Variants in STRIP2 observed in about 807,000 individuals in gnomAD.
The protein encoded by STRIP2 is striatin interacting protein 2, also known as striatin-interacting protein 2.
STRIP2 carries 84 observed loss-of-function variants against 107.1 expected under a neutral mutation model. That is an observed-to-expected ratio of 0.78 (90% confidence interval 0.66 to 0.94). STRIP2 has a LOEUF of 0.94. Among genes scored for constraint, STRIP2 ranks in the 40% least tolerant of loss-of-function variants. The pLI, the probability that STRIP2 is intolerant of heterozygous loss-of-function variation, is 0.00. For synonymous variants in STRIP2, 394 were observed against 400.4 expected, an observed-to-expected ratio of 0.98 and a Z score of 0.19; for missense variants, 888 against 1,034.2, an observed-to-expected ratio of 0.86 and a Z score of 1.94.
In STRIP2 at chr7:129,473,309, A is replaced by T. The variant is rs149197445; in HGVS notation, c.1944+2594A>T. ...TTTATACATAGATATTTCATTTGAC[A>T]GCAAAATTTAAATGTTCACAATATC... On this transcript the variant is annotated intron_variant, in intron 18 of 20. Transcript: ENST00000249344. 1.1e-3 allele frequency among the ~76,000 whole-genome samples: 161 copies of T among 152,340 alleles called. 2 individuals carry two copies. In the East Asian group the frequency reaches 0.028, roughly 27 times the overall value.
chr7:129,482,368 TATATA>T (rs1194973470), intron 19 of STRIP2, among the ~76,000 whole-genome samples: 7 of 101,108 alleles, frequency 6.9e-5, no homozygotes, highest in East Asian at 7.0e-4. Context: ...TATATATATA[TATATA>T]TATATTTTTT....
Position 129,470,056 on chromosome 7 carries a change from G to A in STRIP2, c.1878-593G>A, listed in dbSNP as rs78976562. On this transcript the variant is annotated intron_variant, in intron 17 of 20. Transcript: ENST00000249344. ...TCCTAACTCATGCCTGCTTCCCTGG[G>A]CTCACTACAGAGCTGTAGCTTGCAG... 8.8e-3 allele frequency among the ~76,000 whole-genome samples: 1,334 copies of A among 152,270 alleles called. 108 individuals carry two copies. In the East Asian group the frequency reaches 0.19, roughly 22 times the overall value.
At chr7:129,434,626 TG>T (rs1288015238) in intron 1 of STRIP2, 25 bp downstream of exon 1, 4 of 1,460,628 alleles carry the variant, frequency 2.7e-6, no homozygotes, top group Non-Finnish European at 3.6e-6. Flanking sequence ...AAGCTTCGGC[TG>T]GGGCCCGGAG....
At position 129,454,209 on chromosome 7, in the gene STRIP2, A is replaced by G; in HGVS notation, c.598A>G (p.Arg200Gly). ...AVSIADSTELRVLLSVMYLMV... is the reference protein window; with the variant it reads ...AVSIADSTELGVLLSVMYLMV... ...CTCCATAGCTGATAGCACAGAGCTC[A>G]GGTGAGTGGGGCTAACTATGGGCTT... Residue 200 changes from arginine to glycine, a missense_variant and splice_region_variant, in exon 6 of 21, where the codon AGG becomes GGG. Physicochemically the swap from Arg to Gly is moderately radical, Grantham distance 125 (BLOSUM62 -2). Coordinates refer to ENST00000249344, the MANE Select transcript of STRIP2 (RefSeq NM_020704.3). The G allele has an allele frequency of 6.2e-7, 1 of 1,612,876 alleles. No individual in the cohort carries two copies. Among genetic ancestry groups the G allele is most frequent in the Non-Finnish European group, 8.5e-7 (1 of 1,178,848 alleles).
chr7:129,457,554 A>C (rs1481373195), intron 9 of STRIP2, among the ~76,000 whole-genome samples: 1 of 152,216 alleles, frequency 6.6e-6, no homozygotes, highest in Non-Finnish European at 1.5e-5. Context: ...TCAGTTTATC[A>C]ACAGGGCTAG....
Position 129,482,892 on chromosome 7 carries a change from C to G in STRIP2, c.2100C>G (p.Val700=), listed in dbSNP as rs943045352. Reference sequence around the variant, plus strand: ...CAATCTTAAAGCGGGCCCTCAAGGTCAAACAGGCCATGCTGCAACTTTATG... The same window carrying G: ...CAATCTTAAAGCGGGCCCTCAAGGTGAAACAGGCCATGCTGCAACTTTATG... ...SAPILKRALK[V]KQAMLQLYVL... is the part of the protein sequence containing the mutation. Residue 700 remains valine (V), a synonymous_variant, in exon 20 of 21, where the codon GTC becomes GTG. Coordinates refer to ENST00000249344, the MANE Select transcript of STRIP2 (RefSeq NM_020704.3). 6.2e-7 allele frequency: 1 copy of G among 1,613,994 alleles called. No homozygotes were observed. Among genetic ancestry groups the G allele is most frequent in the Non-Finnish European group, 8.5e-7 (1 of 1,180,046 alleles).
chr7:129,459,658 G>T, intron 12 of STRIP2, 78 bp downstream of exon 12: 1 of 1,241,468 alleles, frequency 8.1e-7, no homozygotes, highest in Non-Finnish European at 1.2e-6. Context: ...CTGGATACTG[G>T]GTGGGGCTTT....
intron 16 of STRIP2, among the ~76,000 whole-genome samples, chr7:129,465,522 C>T (rs918865252): frequency 3.9e-5 from 6 of 152,200 alleles, no homozygotes; most frequent in African/African-American, 9.7e-5. Context: ...AGGAGCAAAT[C>T]ATAATCTATA....
chr7:129,454,613 C>A, intron 7 of STRIP2, 86 bp downstream of exon 7: 3 of 837,138 alleles, frequency 3.6e-6, no homozygotes, highest in South Asian at 2.9e-5. Context: ...GGCAGACAGT[C>A]GTTTTTTCTT....
At position 129,486,198 on chromosome 7, in the gene STRIP2, A is replaced by T. The variant is rs1799241578; in HGVS notation, c.*369A>T. The T allele has an allele frequency of 5.4e-6, 1 of 184,606 alleles. No homozygotes were observed. The highest frequency in any genetic ancestry group is 1.4e-4 in the South Asian group (1 of 7,372). The allele number at this position is 184,606 out of a possible 1,614,324, so 11.4% of individuals were successfully genotyped here. On this transcript the variant is annotated 3_prime_UTR_variant, in exon 21 of 21. Coordinates refer to ENST00000249344, the MANE Select transcript of STRIP2 (RefSeq NM_020704.3). ...AGATAGTGGGAGGTACAAGTCATAA[A>T]ATAGGGAGAAAGTTTTCTTCTTGCT...
At chr7:129,481,459 T>C (rs1341534053) in intron 19 of STRIP2, among the ~76,000 whole-genome samples, 1 of 152,014 alleles carries the variant, frequency 6.6e-6, no homozygotes, top group Non-Finnish European at 1.5e-5. Flanking sequence ...ATCATGCCAC[T>C]GCACTCCAGC....
chr7:129,443,224 G>C (rs1797948532), intron 2 of STRIP2, among the ~76,000 whole-genome samples: 1 of 151,960 alleles, frequency 6.6e-6, no homozygotes, highest in Non-Finnish European at 1.5e-5. Context: ...ATTTTTTGTA[G>C]AGATAGGGTC....
At chr7:129,468,271 T>C (rs1158047729) in intron 17 of STRIP2, among the ~76,000 whole-genome samples, 3 of 152,188 alleles carry the variant, frequency 2.0e-5, no homozygotes, top group African/African-American at 7.2e-5. Context: ...ACTAGAGATA[T>C]TGCCACACTA....
Position 129,464,856 on chromosome 7 carries a change from C to T in STRIP2, c.1776+118C>T, listed in dbSNP as rs1189311273. The stretch of plus-strand genomic sequence containing the variant: ...GAGCATCTTTCAGCCTTTTCTTTGT[C>T]CTCTCTCAGGGAATCCAGCCACCCA... On this transcript the variant is annotated intron_variant, in intron 16 of 20. Transcript: ENST00000249344. 24 of 1,377,510 alleles carry T rather than the reference C, an allele frequency of 1.7e-5. No homozygotes were observed. The South Asian group carries it at 2.9e-4, about 16-fold the overall frequency. The allele number at this position is 1,377,510 out of a possible 1,614,324, so 85.3% of individuals were successfully genotyped here.
At chr7:129,463,106 T>G in intron 14 of STRIP2, 66 bp downstream of exon 14, 1 of 1,350,724 alleles carries the variant, frequency 7.4e-7, no homozygotes, top group Non-Finnish European at 1.0e-6. Flanking sequence ...AAAAACCATT[T>G]CAAGTGGACC....
chr7:129,476,859 C>T (rs1381455474), intron 18 of STRIP2, among the ~76,000 whole-genome samples: 1 of 151,840 alleles, frequency 6.6e-6, no homozygotes, highest in Non-Finnish European at 1.5e-5. Context: ...GCCGAGATCA[C>T]GCCACTGCAC....
chr7:129,476,305 C>T (rs1462215741), intron 18 of STRIP2, among the ~76,000 whole-genome samples: 2 of 139,352 alleles, frequency 1.4e-5, no homozygotes, highest in Non-Finnish European at 1.6e-5. Context: ...CCAGATGCGG[C>T]GGCTGCCGGG....
In STRIP2 at chr7:129,473,749, G is replaced by A. The variant is rs145662665; in HGVS notation, c.1944+3034G>A. 8.7e-3 allele frequency among the ~76,000 whole-genome samples: 1,316 copies of A among 151,462 alleles called. 8 individuals are homozygous for A. The highest frequency in any genetic ancestry group is 0.012 in the Non-Finnish European group (803 of 67,872). On this transcript the variant is annotated intron_variant, in intron 18 of 20. Transcript: ENST00000249344. Reference sequence around the variant, plus strand: ...TTTATTTTTTTTGAGATGGAGTCTCGCTCTGTCGGCCAGGCTGGAGTGCAG... The same window carrying A: ...TTTATTTTTTTTGAGATGGAGTCTCACTCTGTCGGCCAGGCTGGAGTGCAG...
intron 1 of STRIP2, among the ~76,000 whole-genome samples, chr7:129,439,742 A>G (rs1358183462): frequency 6.6e-6 from 1 of 152,174 alleles, no homozygotes; most frequent in East Asian, 1.9e-4. Flanking sequence ...TTAGATATGG[A>G]CACAGACCAT....
Sources: gnomAD v4.1 joint callset for allele counts (sites outside exome capture counted in the v4.1 genomes callset) on GRCh38, gnomAD v4.1.1 for gene constraint, MANE v1.5 for transcripts, NCBI Gene and HGNC (gene_info 2026-07-23, HGNC 2026-07-21) for gene names.